The following EFNA5 variants were observed in gnomAD, a reference collection of about 807,000 sequenced individuals.
EFNA5 encodes ephrin-A5.
EFNA5 carries 5 observed loss-of-function variants against 22.9 expected under a neutral mutation model. The ratio of observed to expected loss-of-function variants is 0.22; its 90% CI spans 0.11 to 0.46. The LOEUF is 0.46. Among genes scored for constraint, EFNA5 ranks in the 20% least tolerant of loss-of-function variants. EFNA5 has a pLI of 0.99. For missense variants in EFNA5, 237 were observed against 293.3 expected (o/e 0.81, Z 1.40); for synonymous variants, 113 against 112.2 (o/e 1.01, Z -0.04).
At chr5:107,633,326 C>T (rs764480090) in intron 1 of EFNA5, among the ~76,000 whole-genome samples, 3 of 152,166 alleles carry the variant, frequency 2.0e-5, no homozygotes, top group Non-Finnish European at 4.4e-5. Context: ...TGTAAAAACC[C>T]GATGTGCTCT....
rs1359784501 is a variant in EFNA5, at chr5:107,614,466, T to C, written c.125+56023A>G. ...ATCATGGAAATATACTGTTAAAAAA[T>C]AAGTTAGTCATATGAGATAACACTC... On this transcript the variant is annotated intron_variant, in intron 1 of 4. Coordinates refer to ENST00000333274, the MANE Select transcript of EFNA5 (RefSeq NM_001962.3). Among the ~76,000 whole-genome samples, 5 of 152,142 alleles carry C rather than the reference T, an allele frequency of 3.3e-5. No individual in the cohort carries two copies. In the South Asian group the frequency reaches 8.3e-4, roughly 25 times the overall value.
intron 1 of EFNA5, among the ~76,000 whole-genome samples, chr5:107,569,898 T>C (rs1213838322): frequency 1.4e-5 from 2 of 147,956 alleles, no homozygotes; most frequent in East Asian, 4.0e-4. Flanking sequence ...AAAAGGACAG[T>C]GAACTATTAA....
chr5:107,569,931 T>C (rs1748759742), intron 1 of EFNA5, among the ~76,000 whole-genome samples: 1 of 151,458 alleles, frequency 6.6e-6, no homozygotes, highest in Non-Finnish European at 1.5e-5. Context: ...TAAGCAAGTG[T>C]ACACCACTTT....
rs1747397051 is a variant in EFNA5 at position 107,380,093 on chromosome 5, C to T, written c.*1162G>A. On this transcript the variant is annotated 3_prime_UTR_variant, in exon 5 of 5. Transcript: ENST00000333274. ...TTCCCTTTAGCCCTCCCAAGTAGTG[C>T]TGACTGACTCTCCTGGTGACAGGGG... is the stretch of plus-strand genomic sequence containing the variant. The T allele has an allele frequency of 6.6e-6, 1 of 151,962 alleles. No homozygotes were observed. The highest frequency in any genetic ancestry group is 1.5e-5 in the Non-Finnish European group (1 of 68,004). The allele number at this position is 151,962 out of a possible 1,614,324, so 9.4% of individuals were successfully genotyped here.
intron 1 of EFNA5, among the ~76,000 whole-genome samples, chr5:107,588,092 G>A (rs1749230841): frequency 6.6e-6 from 1 of 152,154 alleles, no homozygotes; most frequent in Admixed American, 6.5e-5. Context: ...CTCTCCCTTG[G>A]CTGATGTAAT....
chr5:107,476,057 T>TATATATATATATATATA, intron 1 of EFNA5, among the ~76,000 whole-genome samples: 19 of 100,346 alleles, frequency 1.9e-4, no homozygotes, highest in East Asian at 3.4e-4. Flanking sequence ...TATATATATA[T>TATATATATATATATATA]TTTTTTTTTT....
intron 1 of EFNA5, among the ~76,000 whole-genome samples, chr5:107,443,960 C>T (rs1191457061): frequency 6.6e-6 from 1 of 152,140 alleles, no homozygotes; most frequent in Non-Finnish European, 1.5e-5. Flanking sequence ...GAGACTAGGT[C>T]CTCCAAGACA....
At chr5:107,664,189 C>A (rs996628513) in intron 1 of EFNA5, among the ~76,000 whole-genome samples, 8 of 151,940 alleles carry the variant, frequency 5.3e-5, no homozygotes, top group African/African-American at 1.9e-4. Flanking sequence ...ACAATAAATC[C>A]TTTAGAGAGT....
intron 1 of EFNA5, among the ~76,000 whole-genome samples, chr5:107,599,419 A>G (rs933560323): frequency 3.9e-5 from 6 of 152,220 alleles, no homozygotes; most frequent in African/African-American, 1.4e-4. Flanking sequence ...ATATTTGCAT[A>G]TGCTTGCACA....
chr5:107,554,841 C>T (rs184112704), intron 1 of EFNA5, among the ~76,000 whole-genome samples: 2 of 150,818 alleles, frequency 1.3e-5, no homozygotes, highest in African/African-American at 4.8e-5. Context: ...ACTAAATGCC[C>T]GAGCCAAGAT....
At chr5:107,483,649 C>T (rs1341337171) in intron 1 of EFNA5, among the ~76,000 whole-genome samples, 1 of 152,164 alleles carries the variant, frequency 6.6e-6, no homozygotes, top group Non-Finnish European at 1.5e-5. Flanking sequence ...CAAAGAAGAA[C>T]AAGATACTTA....
At chr5:107,625,078 T>C (rs1427137814) in intron 1 of EFNA5, among the ~76,000 whole-genome samples, 1 of 152,172 alleles carries the variant, frequency 6.6e-6, no homozygotes, top group Non-Finnish European at 1.5e-5. Context: ...GAGAGATTTA[T>C]TAATTGAAAG....
At chr5:107,592,554 G>A (rs777291653) in intron 1 of EFNA5, among the ~76,000 whole-genome samples, 1 of 152,074 alleles carries the variant, frequency 6.6e-6, no homozygotes, top group African/African-American at 2.4e-5. Context: ...TCTCGATGTC[G>A]AGGAAATGAG....
chr5:107,657,485 A>C lies in EFNA5; in HGVS notation c.125+13004T>G, dbSNP rs572159301. ...ATAAACATAAACTTACAAAGAAAAC[A>C]GTACTGTCTTGATTTACTATTCTTA... On this transcript the variant is annotated intron_variant, in intron 1 of 4. Transcript: ENST00000333274. Among the ~76,000 whole-genome samples the C allele has an allele frequency of 7.2e-5, 11 of 152,260 alleles. No homozygotes were observed. The East Asian group carries it at 2.1e-3, about 29-fold the overall frequency.
intron 1 of EFNA5, among the ~76,000 whole-genome samples, chr5:107,587,430 C>G (rs976248363): frequency 2.6e-5 from 4 of 152,174 alleles, no homozygotes; most frequent in Non-Finnish European, 5.9e-5. Context: ...AAAAATCAAG[C>G]ATTTACACTT....
At chr5:107,579,256 G>A (rs1444039865) in intron 1 of EFNA5, among the ~76,000 whole-genome samples, 1 of 152,124 alleles carries the variant, frequency 6.6e-6, no homozygotes, top group African/African-American at 2.4e-5. Flanking sequence ...TTAGAATTCC[G>A]GCTCATCCAT....
At chr5:107,602,871 T>G (rs1477929095) in intron 1 of EFNA5, among the ~76,000 whole-genome samples, 1 of 152,042 alleles carries the variant, frequency 6.6e-6, no homozygotes, top group East Asian at 1.9e-4. Context: ...AAGAGCACAG[T>G]GACTAGAGGC....
At chr5:107,615,596 C>T (rs1362924839) in intron 1 of EFNA5, among the ~76,000 whole-genome samples, 2 of 152,110 alleles carry the variant, frequency 1.3e-5, no homozygotes, top group Admixed American at 6.5e-5. Flanking sequence ...AGATCTTTGC[C>T]GAAATGCACA....
chr5:107,388,541 T>C (rs1246150463), intron 2 of EFNA5: 2 of 152,096 alleles, frequency 1.3e-5, no homozygotes, highest in Non-Finnish European at 2.9e-5. Flanking sequence ...GAAACTTTCT[T>C]CTCCTTTTCA....
Sources: allele counts gnomAD v4.1 joint callset (sites outside exome capture counted in the v4.1 genomes callset), GRCh38; gene constraint gnomAD v4.1.1; transcripts MANE v1.5; gene names NCBI Gene and HGNC (gene_info 2026-07-23, HGNC 2026-07-21).